Variants in RAB14 observed in about 807,000 individuals in gnomAD.
RAB14 encodes the protein RAB14, member RAS oncogene family.
In RAB14, 3 loss-of-function variants were observed where a neutral mutation model predicts 31.1. The ratio of observed to expected loss-of-function variants is 0.10; its 90% CI spans 0.04 to 0.25. RAB14 has a LOEUF of 0.25. Among genes scored for constraint, RAB14 ranks in the 10% least tolerant of loss-of-function variants. RAB14 has a pLI of 1.00. For missense variants in RAB14, 111 were observed against 260.1 expected (o/e 0.43, Z 3.94); for synonymous variants, 85 against 84.9 (o/e 1.00, Z 0.00).
At chr9:121,183,420 G>T in intron 5 of RAB14, 22 bp from the exon 6 acceptor site, 1 of 1,527,630 alleles carries the variant, frequency 6.5e-7, no homozygotes, top group South Asian at 1.1e-5. Context: ...TCAAAAGAAA[G>T]ACACCTTGTA....
intron 1 of RAB14, among the ~76,000 whole-genome samples, chr9:121,201,251 T>C (rs1032248380): frequency 6.6e-5 from 10 of 152,080 alleles, no homozygotes; most frequent in Admixed American, 1.3e-4. Flanking sequence ...GGGTACACCC[T>C]GCGGGGGCGG....
chr9:121,186,602 A>T (rs2132023791), intron 5 of RAB14, among the ~76,000 whole-genome samples: 1 of 152,268 alleles, frequency 6.6e-6, no homozygotes, highest in South Asian at 2.1e-4. Flanking sequence ...GTACAGAAAG[A>T]TCTCTTCTAC....
At chr9:121,190,470 T>TA (rs1421476192) in intron 4 of RAB14, 84 bp downstream of exon 4, 55 of 1,277,986 alleles carry the variant, frequency 4.3e-5, no homozygotes, top group South Asian at 1.4e-4. Context: ...AATTACAAAC[T>TA]AAAAAAAATG....
intron 1 of RAB14, among the ~76,000 whole-genome samples, chr9:121,194,438 CAAAA>C (rs2053704228): frequency 6.6e-6 from 1 of 152,092 alleles, no homozygotes; most frequent in South Asian, 2.1e-4. Flanking sequence ...AAAAAGAAAA[CAAAA>C]AACTTTCCAA....
In RAB14 at chr9:121,181,744, CTTTTTTTTTTTTT is replaced by C. The variant is rs3838268; in HGVS notation, c.471-184_471-172del. 4.9e-5 allele frequency among the ~76,000 whole-genome samples: 5 copies of C among 102,942 alleles called. No individual in the cohort carries two copies. In the East Asian group the frequency reaches 1.2e-3, roughly 24 times the overall value. 67.5% of individuals were successfully genotyped at this position (102,942 alleles called of 152,430 possible). On this transcript the variant is annotated intron_variant, in intron 7 of 7. Transcript: ENST00000373840. ...TAAGAGAACATGGAAAACTATTTTC[CTTTTTTTTTTTTT>C]TTTTTTTTTGAGACAGAGACTCACT...
chr9:121,191,332 T>A (rs1473185561), intron 3 of RAB14, among the ~76,000 whole-genome samples: 1 of 151,992 alleles, frequency 6.6e-6, no homozygotes, highest in Non-Finnish European at 1.5e-5. Context: ...TCAGCATGTT[T>A]TATATATATA....
rs1004707996 is a variant in RAB14 at position 121,178,216 on chromosome 9, T to TAAAG, written c.*3176_*3179dup. On this transcript the variant is annotated 3_prime_UTR_variant, in exon 8 of 8. Coordinates refer to ENST00000373840, the MANE Select transcript of RAB14 (RefSeq NM_016322.4). ...AGATACGGGATCAATGGAGTTACAA[T>TAAAG]AAAGACAATGAAAGTGACAATTTAT... 3.2e-4 allele frequency: 48 copies of TAAAG among 152,042 alleles called. No individual in the cohort carries two copies. The highest frequency in any genetic ancestry group is 1.1e-3 in the African/African-American group (47 of 41,352). 9.4% of individuals were successfully genotyped at this position (152,042 alleles called of 1,614,324 possible).
intron 1 of RAB14, among the ~76,000 whole-genome samples, chr9:121,199,197 T>C (rs553475569): frequency 7.9e-5 from 12 of 152,202 alleles, no homozygotes; most frequent in Non-Finnish European, 1.3e-4. Context: ...CGATATTGTG[T>C]CTGAGATTTG....
chr9:121,183,915 T>C (rs1187770819), intron 5 of RAB14, among the ~76,000 whole-genome samples: 2 of 152,196 alleles, frequency 1.3e-5, no homozygotes, highest in African/African-American at 2.4e-5. Context: ...AATACTGTAA[T>C]TGTGGGCATT....
At position 121,181,120 on chromosome 9, in the gene RAB14, CAT is replaced by C. The variant is rs1253568663; in HGVS notation, c.*274_*275del. ...TCCAGCATCAGTGCTCGGTTTAAAT[CAT>C]ATATTGGTGACATACTTATCACGAG... On this transcript the variant is annotated 3_prime_UTR_variant, in exon 8 of 8. Coordinates refer to ENST00000373840, the MANE Select transcript of RAB14 (RefSeq NM_016322.4). 1 of 281,866 alleles carries C rather than the reference CAT, an allele frequency of 3.5e-6. No homozygotes were observed. Among genetic ancestry groups the C allele is most frequent in the Non-Finnish European group, 6.6e-6 (1 of 152,180 alleles). The allele number at this position is 281,866 out of a possible 1,614,324, so 17.5% of individuals were successfully genotyped here.
intron 5 of RAB14, among the ~76,000 whole-genome samples, chr9:121,185,321 T>A (rs1467208488): frequency 6.6e-6 from 1 of 152,180 alleles, no homozygotes; most frequent in Admixed American, 6.5e-5. Flanking sequence ...AATGGTAGGA[T>A]GTTATGTAAC....
chr9:121,190,835 C>G, intron 3 of RAB14, 104 bp from the exon 4 acceptor site: 2 of 1,124,952 alleles, frequency 1.8e-6, no homozygotes, highest in Non-Finnish European at 1.3e-6. Flanking sequence ...CTAATACTTA[C>G]AGGCTATAAA....
At position 121,180,064 on chromosome 9, in the gene RAB14, AC is replaced by A. The variant is rs2053624851; in HGVS notation, c.*1331del. The A allele has an allele frequency of 6.5e-6, 1 of 152,684 alleles. No homozygotes were observed. The highest frequency in any genetic ancestry group is 1.5e-5 in the Non-Finnish European group (1 of 68,056). The allele number at this position is 152,684 out of a possible 1,614,324, so 9.5% of individuals were successfully genotyped here. On this transcript the variant is annotated 3_prime_UTR_variant, in exon 8 of 8. Transcript: ENST00000373840. ...ACCACCTGGTGCAAAGTAATAACTT[AC>A]TTTGTATCAGCACAAGCGCTGAAAC... is the stretch of plus-strand genomic sequence containing the variant.
At chr9:121,188,940 G>A (rs1407150015) in intron 4 of RAB14, among the ~76,000 whole-genome samples, 1 of 151,998 alleles carries the variant, frequency 6.6e-6, no homozygotes, top group Non-Finnish European at 1.5e-5. Flanking sequence ...GAGAAACTCT[G>A]AACTCACTTA....
intron 5 of RAB14, among the ~76,000 whole-genome samples, chr9:121,185,666 T>G (rs973254076): frequency 2.0e-5 from 3 of 152,190 alleles, no homozygotes; most frequent in African/African-American, 7.2e-5. Flanking sequence ...GTATGTAAAC[T>G]TTTGAGATTG....
intron 1 of RAB14, among the ~76,000 whole-genome samples, chr9:121,200,055 C>CA: frequency 6.6e-6 from 1 of 152,300 alleles, no homozygotes; most frequent in South Asian, 2.1e-4. Flanking sequence ...GATGCAGGTC[C>CA]AATTATCCCC....
intron 5 of RAB14, among the ~76,000 whole-genome samples, chr9:121,185,327 G>A (rs143876793): frequency 6.6e-6 from 1 of 152,128 alleles, no homozygotes; most frequent in Non-Finnish European, 1.5e-5. Flanking sequence ...AGGATGTTAT[G>A]TAACTATAAT....
chr9:121,187,075 T>A, intron 4 of RAB14, 56 bp from the exon 5 acceptor site: 1 of 1,048,502 alleles, frequency 9.5e-7, no homozygotes. Flanking sequence ...AAAAAAAACT[T>A]AAATATTTAA....
chr9:121,190,518 T>C (rs1308354939), intron 4 of RAB14, 36 bp downstream of exon 4: 1 of 1,521,388 alleles, frequency 6.6e-7, no homozygotes, highest in Non-Finnish European at 8.8e-7. Flanking sequence ...AGTAGATTTA[T>C]TTTCCCCATA....
Sources: gnomAD v4.1 joint callset for allele counts (sites outside exome capture counted in the v4.1 genomes callset) on GRCh38, gnomAD v4.1.1 for gene constraint, MANE v1.5 for transcripts, NCBI Gene and HGNC (gene_info 2026-07-23, HGNC 2026-07-21) for gene names.